The following CHCHD6 variants were observed in gnomAD, a reference collection of about 807,000 sequenced individuals.
CHCHD6 encodes coiled-coil-helix-coiled-coil-helix domain containing 6, also known as MICOS complex subunit MIC25.
A neutral mutation model predicts 32.3 loss-of-function variants in CHCHD6; 28 were observed. The observed-to-expected ratio is 0.87, with a 90% confidence interval of 0.64 to 1.19. The LOEUF is 1.19. CHCHD6 is among the 50% of genes most tolerant of loss of function. The pLI, the probability that CHCHD6 is intolerant of heterozygous loss-of-function variation, is 0.00. For synonymous variants in CHCHD6, 122 were observed against 117.5 expected (o/e 1.04, Z -0.25); for missense variants, 333 against 307.0 (o/e 1.08, Z -0.63).
chr3:126,901,826 C>T (rs1034988435), intron 5 of CHCHD6, among the ~76,000 whole-genome samples: 5 of 152,200 alleles, frequency 3.3e-5, no homozygotes, highest in African/African-American at 1.2e-4. Context: ...TGTGACCACA[C>T]GAGTGAAAGT....
intron 5 of CHCHD6, among the ~76,000 whole-genome samples, chr3:126,899,976 G>T (rs544556790): frequency 6.6e-6 from 1 of 152,188 alleles, no homozygotes; most frequent in Admixed American, 6.5e-5. Flanking sequence ...TACAACCAGC[G>T]TGTCCTGATT....
Position 126,748,595 on chromosome 3 carries a change from C to CAA in CHCHD6, c.411+15389_411+15390dup, listed in dbSNP as rs11378109. Among the ~76,000 whole-genome samples the CAA allele has an allele frequency of 1.3e-3, 111 of 85,342 alleles. 1 individual carries two copies. In the South Asian group the frequency reaches 0.017, roughly 13 times the overall value. The allele number at this position is 85,342 out of a possible 152,430, so 56.0% of individuals were successfully genotyped here. A position where few individuals can be genotyped will look rare whatever the true frequency, so the allele number is the denominator to read the frequency against. On this transcript the variant is annotated intron_variant, in intron 4 of 7. Transcript: ENST00000290913. ...GGGCAACAGAGTGAGACTACATCTC[C>CAA]AAAAAAAAAAAAAAAAAGAAAGAAA...
intron 4 of CHCHD6, among the ~76,000 whole-genome samples, chr3:126,785,743 T>C (rs1285348337): frequency 6.6e-6 from 1 of 152,184 alleles, no homozygotes; most frequent in Non-Finnish European, 1.5e-5. Flanking sequence ...AAATAATAAC[T>C]GTCCCCAATT....
At chr3:126,775,213 G>A (rs1042263771) in intron 4 of CHCHD6, among the ~76,000 whole-genome samples, 8 of 152,100 alleles carry the variant, frequency 5.3e-5, no homozygotes, top group Non-Finnish European at 8.8e-5. Context: ...TCCAGTTTAC[G>A]TTCCTACCAG....
chr3:126,754,534 G>A (rs1936869980), intron 4 of CHCHD6, among the ~76,000 whole-genome samples: 1 of 152,212 alleles, frequency 6.6e-6, no homozygotes, highest in African/African-American at 2.4e-5. Flanking sequence ...CCGGCTATTG[G>A]CAGAGGAGCA....
At chr3:126,840,895 TTTA>T (rs1366832032) in intron 4 of CHCHD6, among the ~76,000 whole-genome samples, 1 of 150,948 alleles carries the variant, frequency 6.6e-6, no homozygotes, top group Non-Finnish European at 1.5e-5. Flanking sequence ...TTATTTTTAA[TTTA>T]TTTTTTTTAT....
intron 5 of CHCHD6, among the ~76,000 whole-genome samples, chr3:126,899,251 A>G (rs1344261292): frequency 2.0e-5 from 3 of 152,370 alleles, no homozygotes; most frequent in South Asian, 2.1e-4. Context: ...ACACATCAGC[A>G]TTAACTCACA....
At chr3:126,900,959 G>A (rs1015619004) in intron 5 of CHCHD6, among the ~76,000 whole-genome samples, 1 of 152,018 alleles carries the variant, frequency 6.6e-6, no homozygotes, top group African/African-American at 2.4e-5. Flanking sequence ...CATCACCAAG[G>A]GGATGGCACT....
chr3:126,784,815 T>A (rs1559841759), intron 4 of CHCHD6, among the ~76,000 whole-genome samples: 1 of 152,214 alleles, frequency 6.6e-6, no homozygotes, highest in Non-Finnish European at 1.5e-5. Flanking sequence ...TGATCCTCAC[T>A]GGATTTTGAG....
chr3:126,935,112 C>T (rs1248232339), intron 6 of CHCHD6: 8 of 987,312 alleles, frequency 8.1e-6, no homozygotes, highest in Non-Finnish European at 8.4e-6. Flanking sequence ...CTTGTGAGCA[C>T]GAATCACCTG....
intron 4 of CHCHD6, among the ~76,000 whole-genome samples, chr3:126,803,847 A>T (rs1385208396): frequency 4.6e-5 from 7 of 152,216 alleles, no homozygotes; most frequent in Admixed American, 6.5e-5. Context: ...AAAGAACAGA[A>T]ATTATAACAA....
At chr3:126,949,383 A>G (rs947890390) in intron 6 of CHCHD6, 12 of 228,290 alleles carry the variant, frequency 5.3e-5, no homozygotes, top group Admixed American at 6.0e-5. Flanking sequence ...CCTGCCATGG[A>G]CGGAAAAAGG....
At chr3:126,959,253 T>A (rs1559944478) in intron 7 of CHCHD6, among the ~76,000 whole-genome samples, 4 of 152,256 alleles carry the variant, frequency 2.6e-5, no homozygotes, top group Admixed American at 2.6e-4. Flanking sequence ...TCCCGGCCCC[T>A]ACCCCTGACA....
intron 4 of CHCHD6, among the ~76,000 whole-genome samples, chr3:126,775,749 G>A (rs958860658): frequency 1.3e-5 from 2 of 152,210 alleles, no homozygotes; most frequent in African/African-American, 2.4e-5. Context: ...ATCTTCAAGG[G>A]TGAGGTATGA....
intron 4 of CHCHD6, chr3:126,766,881 G>GA: frequency 1.0e-6 from 1 of 976,912 alleles, no homozygotes; most frequent in Non-Finnish European, 1.7e-6. Flanking sequence ...CCAGGTGGGG[G>GA]ACCATCTCAT....
At chr3:126,917,630 A>T (rs1281144802) in intron 6 of CHCHD6, among the ~76,000 whole-genome samples, 1 of 152,204 alleles carries the variant, frequency 6.6e-6, no homozygotes, top group Non-Finnish European at 1.5e-5. Flanking sequence ...TATTAGTGTG[A>T]CTGTTTGCTA....
At chr3:126,709,770 C>T (rs541585783) in intron 1 of CHCHD6, among the ~76,000 whole-genome samples, 1 of 152,186 alleles carries the variant, frequency 6.6e-6, no homozygotes, top group Admixed American at 6.5e-5. Flanking sequence ...CTTCATGTGC[C>T]TATCCTTATA....
At chr3:126,939,894 T>A (rs1383920556) in intron 6 of CHCHD6, among the ~76,000 whole-genome samples, 1 of 152,206 alleles carries the variant, frequency 6.6e-6, no homozygotes, top group East Asian at 1.9e-4. Context: ...AGGCCTCATC[T>A]TCTGTGATTA....
intron 5 of CHCHD6, among the ~76,000 whole-genome samples, chr3:126,907,696 A>G (rs891737960): frequency 5.3e-5 from 8 of 152,106 alleles, no homozygotes; most frequent in East Asian, 1.9e-4. Flanking sequence ...CCTGTGTTCA[A>G]TCTGTTCCTC....
Sources: allele counts gnomAD v4.1 joint callset (sites outside exome capture counted in the v4.1 genomes callset), GRCh38; gene constraint gnomAD v4.1.1; transcripts MANE v1.5; gene names NCBI Gene and HGNC (gene_info 2026-07-23, HGNC 2026-07-21).